The following DPP10 variants were observed in gnomAD, a reference collection of about 807,000 sequenced individuals.
DPP10 encodes the protein inactive dipeptidyl peptidase 10.
Under a neutral mutation model 120.9 loss-of-function variants are expected in DPP10, and 33 were observed. That is an observed-to-expected ratio of 0.27 (90% CI 0.21 to 0.37). The LOEUF is 0.37. Among genes scored for constraint, DPP10 ranks in the 10% least tolerant of loss-of-function variants. DPP10 has a pLI of 1.00. For synonymous variants in DPP10, 337 were observed against 326.1 expected (o/e 1.03, Z -0.36); for missense variants, 816 against 942.8 (o/e 0.87, Z 1.76).
intron 1 of DPP10, among the ~76,000 whole-genome samples, chr2:114,979,005 A>G (rs548910951): frequency 6.6e-6 from 1 of 152,226 alleles, no homozygotes; most frequent in East Asian, 1.9e-4. Context: ...AGAGAAAGAC[A>G]TAGCCTAGCA....
chr2:115,795,593 G>C (rs1684446740), intron 19 of DPP10, among the ~76,000 whole-genome samples: 1 of 152,060 alleles, frequency 6.6e-6, no homozygotes, highest in African/African-American at 2.4e-5. Flanking sequence ...TGAATGTTCT[G>C]TGTATCAGAA....
chr2:115,154,448 CTGATATGATGAATCT>C (rs1417813191), intron 1 of DPP10, among the ~76,000 whole-genome samples: 1 of 152,026 alleles, frequency 6.6e-6, no homozygotes, highest in Admixed American at 6.6e-5. Context: ...AGATCAGATG[CTGATATGATGAATCT>C]TGATAAGATG....
intron 1 of DPP10, among the ~76,000 whole-genome samples, chr2:114,676,426 G>A (rs974526854): frequency 6.6e-6 from 1 of 152,136 alleles, no homozygotes; most frequent in African/African-American, 2.4e-5. Flanking sequence ...GTTTTGTGGT[G>A]AGCATTATTG....
chr2:115,357,599 A>G (rs1217402569), intron 3 of DPP10, among the ~76,000 whole-genome samples: 1 of 152,142 alleles, frequency 6.6e-6, no homozygotes, highest in Non-Finnish European at 1.5e-5. Flanking sequence ...CAGTGGATCT[A>G]ACATTCTAAG....
intron 5 of DPP10, among the ~76,000 whole-genome samples, chr2:115,593,466 A>AT (rs1217838523): frequency 2.0e-5 from 3 of 152,098 alleles, no homozygotes; most frequent in Admixed American, 6.6e-5. Flanking sequence ...AGTTGCTATT[A>AT]TTTTTTTACT....
intron 1 of DPP10, among the ~76,000 whole-genome samples, chr2:115,140,233 C>G (rs2050855522): frequency 2.6e-5 from 4 of 152,136 alleles, no homozygotes; most frequent in African/African-American, 9.7e-5. Flanking sequence ...TGACATTTGA[C>G]AGAGATGTAG....
intron 1 of DPP10, among the ~76,000 whole-genome samples, chr2:115,230,237 G>A (rs2057669494): frequency 6.6e-6 from 1 of 151,736 alleles, no homozygotes; most frequent in African/African-American, 2.4e-5. Flanking sequence ...GTTTATTCTG[G>A]GCATATAGAA....
chr2:115,794,096 C>T (rs6733041), intron 19 of DPP10, among the ~76,000 whole-genome samples: 2,084 of 151,160 alleles, frequency 0.014, 50 homozygotes, highest in African/African-American at 0.046. Flanking sequence ...ATTTTTTTCG[C>T]AAATGAGCAA....
intron 7 of DPP10, among the ~76,000 whole-genome samples, chr2:115,720,308 C>A (rs1029358651): frequency 1.3e-5 from 2 of 152,194 alleles, no homozygotes; most frequent in East Asian, 3.9e-4. Context: ...TGACATAAAT[C>A]AAAATAAGCA....
At chr2:115,006,254 T>A in intron 1 of DPP10, among the ~76,000 whole-genome samples, 1 of 151,858 alleles carries the variant, frequency 6.6e-6, no homozygotes, top group East Asian at 1.9e-4. Context: ...TACCAGACAC[T>A]GCAAAATCAT....
chr2:115,824,564 A>G (rs972532543), intron 21 of DPP10, among the ~76,000 whole-genome samples: 2 of 152,070 alleles, frequency 1.3e-5, no homozygotes, highest in Non-Finnish European at 2.9e-5. Flanking sequence ...GAGTGAGAAC[A>G]TGCAGTGTTT....
intron 4 of DPP10, among the ~76,000 whole-genome samples, chr2:115,519,458 A>G (rs1313790699): frequency 1.3e-5 from 2 of 152,210 alleles, no homozygotes; most frequent in African/African-American, 4.8e-5. Flanking sequence ...TTTACAAAAT[A>G]TAGATATTGC....
At chr2:114,773,609 C>G (rs1681466553) in intron 1 of DPP10, among the ~76,000 whole-genome samples, 1 of 152,172 alleles carries the variant, frequency 6.6e-6, no homozygotes, top group African/African-American at 2.4e-5. Context: ...AATTAATGTC[C>G]TTTACATTGA....
intron 21 of DPP10, among the ~76,000 whole-genome samples, chr2:115,824,026 C>T (rs1688061853): frequency 6.6e-6 from 1 of 152,038 alleles, no homozygotes; most frequent in South Asian, 2.1e-4. Flanking sequence ...CTAAGATTTA[C>T]CATGTTTTTA....
At chr2:115,331,930 T>C (rs986025525) in intron 2 of DPP10, among the ~76,000 whole-genome samples, 1 of 152,176 alleles carries the variant, frequency 6.6e-6, no homozygotes, top group Non-Finnish European at 1.5e-5. Flanking sequence ...AGGATGATGC[T>C]GGCCTCATAA....
At chr2:115,610,490 A>AGTGTGT (rs751694854) in intron 5 of DPP10, among the ~76,000 whole-genome samples, 1 of 31,198 alleles carries the variant, frequency 3.2e-5, no homozygotes, top group African/African-American at 1.2e-4. Context: ...AAGCAGTATG[A>AGTGTGT]GTGTGTGTGT....
At position 115,783,594 on chromosome 2, in the gene DPP10, T is replaced by A. The variant is rs76487436; in HGVS notation, c.1531+1195T>A. Among the ~76,000 whole-genome samples, 1,230 of 152,326 alleles carry A rather than the reference T, an allele frequency of 8.1e-3. 20 individuals carry two copies. Among genetic ancestry groups the A allele is most frequent in the African/African-American group, 0.028 (1,147 of 41,580 alleles). Reference sequence around the variant, plus strand: ...AATTTCTAAATTTGTGTTGGGTTTTTGTGTGGCTGAAAGATGGTTTAGCAC... The same window carrying A: ...AATTTCTAAATTTGTGTTGGGTTTTAGTGTGGCTGAAAGATGGTTTAGCAC... On this transcript the variant is annotated intron_variant, in intron 17 of 25. Coordinates refer to ENST00000410059, the MANE Select transcript of DPP10 (RefSeq NM_020868.6).
chr2:114,515,303 G>T (rs13416399), intron 1 of DPP10, among the ~76,000 whole-genome samples: 1 of 151,984 alleles, frequency 6.6e-6, no homozygotes, highest in Non-Finnish European at 1.5e-5. Context: ...TAAAGGTACC[G>T]AAGTCCAGAC....
At chr2:115,088,657 G>A (rs1158006162) in intron 1 of DPP10, among the ~76,000 whole-genome samples, 1 of 137,666 alleles carries the variant, frequency 7.3e-6, no homozygotes, top group Admixed American at 8.1e-5. Context: ...TGTTGCCCAG[G>A]CTGGTCTCAA....
Sources: gnomAD v4.1 joint callset for allele counts (sites outside exome capture counted in the v4.1 genomes callset) on GRCh38, gnomAD v4.1.1 for gene constraint, MANE v1.5 for transcripts, NCBI Gene and HGNC (gene_info 2026-07-23, HGNC 2026-07-21) for gene names.